The following CACNA1C variants were observed in gnomAD, a reference collection of about 807,000 sequenced individuals.
CACNA1C encodes the protein voltage-dependent L-type calcium channel subunit alpha-1C.
Under a neutral mutation model 229.0 loss-of-function variants are expected in CACNA1C, and 30 were observed. The observed-to-expected ratio is 0.13, with a 90% confidence interval of 0.10 to 0.18. The LOEUF is 0.18. CACNA1C is among the 10% of genes least tolerant of loss of function. The pLI, the probability that CACNA1C is intolerant of heterozygous loss-of-function variation, is 1.00. For synonymous variants in CACNA1C, 1,114 were observed against 1,132.5 expected, an observed-to-expected ratio of 0.98 and a Z score of 0.33; for missense variants, 1,658 against 2,845.0, an observed-to-expected ratio of 0.58 and a Z score of 9.49.
intron 3 of CACNA1C, among the ~76,000 whole-genome samples, chr12:2,203,459 C>A (rs1370467425): frequency 1.3e-5 from 2 of 152,112 alleles, no homozygotes; most frequent in Non-Finnish European, 2.9e-5. Context: ...CAATTACCCA[C>A]CCAGGTATTG....
chr12:2,408,680 A>C (rs1290521552), intron 3 of CACNA1C, among the ~76,000 whole-genome samples: 1 of 152,208 alleles, frequency 6.6e-6, no homozygotes, highest in Admixed American at 6.5e-5. Flanking sequence ...TTAGTAGGGA[A>C]AGATGTGTCT....
At chr12:2,160,316 C>T (rs1443411947) in intron 3 of CACNA1C, among the ~76,000 whole-genome samples, 2 of 152,224 alleles carry the variant, frequency 1.3e-5, no homozygotes, top group Non-Finnish European at 2.9e-5. Context: ...ACATAGCAGA[C>T]ACTCAGTGGC....
At chr12:2,143,466 TTA>T (rs1344192324) in intron 3 of CACNA1C, among the ~76,000 whole-genome samples, 1 of 149,818 alleles carries the variant, frequency 6.7e-6, no homozygotes, top group African/African-American at 2.5e-5. Context: ...CTTTTATAGA[TTA>T]TTTTTTATGT....
intron 3 of CACNA1C, among the ~76,000 whole-genome samples, chr12:2,229,532 A>G (rs1024628190): frequency 6.6e-6 from 1 of 152,202 alleles, no homozygotes; most frequent in African/African-American, 2.4e-5. Context: ...GAATAAAATA[A>G]GTTAAACACA....
At chr12:2,218,734 A>T (rs1403411350) in intron 3 of CACNA1C, among the ~76,000 whole-genome samples, 1 of 152,172 alleles carries the variant, frequency 6.6e-6, no homozygotes, top group Non-Finnish European at 1.5e-5. Context: ...ATTTAAGAAG[A>T]TCCTTTTTTT....
At chr12:2,120,692 G>GTGTGTGTT (rs764879260) in intron 3 of CACNA1C, among the ~76,000 whole-genome samples, 113 of 150,648 alleles carry the variant, frequency 7.5e-4, no homozygotes, top group Admixed American at 2.2e-3. Context: ...GTGTGTGTGT[G>GTGTGTGTT]TGTGTTTAGT....
At chr12:2,581,537 A>G in intron 13 of CACNA1C, 53 bp from the exon 14 acceptor site, 4 of 1,487,680 alleles carry the variant, frequency 2.7e-6, no homozygotes, top group Non-Finnish European at 3.6e-6. Flanking sequence ...ATGAGGCACG[A>G]TGGGGAGGAC....
At chr12:2,569,970 T>C (rs2053461616) in intron 13 of CACNA1C, among the ~76,000 whole-genome samples, 1 of 152,142 alleles carries the variant, frequency 6.6e-6, no homozygotes. Context: ...AAAGAAAGAA[T>C]GAAATAGAAT....
At chr12:2,535,925 A>G (rs370873126) in intron 9 of CACNA1C, among the ~76,000 whole-genome samples, 91 of 152,224 alleles carry the variant, frequency 6.0e-4, no homozygotes, top group African/African-American at 2.1e-3. Flanking sequence ...CATTCATGAA[A>G]TTATGGGGCT....
At chr12:2,243,033 G>A (rs1233051115) in intron 3 of CACNA1C, among the ~76,000 whole-genome samples, 1 of 152,168 alleles carries the variant, frequency 6.6e-6, no homozygotes, top group East Asian at 1.9e-4. Flanking sequence ...GTGGTTTGGT[G>A]TTTTGTTTGA....
At chr12:2,101,448 C>T (rs1442966394) in intron 1 of CACNA1C, among the ~76,000 whole-genome samples, 1 of 152,252 alleles carries the variant, frequency 6.6e-6, no homozygotes, top group Non-Finnish European at 1.5e-5. Flanking sequence ...CAACCTCCCC[C>T]TCCCAGGTGG....
At chr12:2,676,086 G>C (rs1267687020) in intron 39 of CACNA1C, 2 of 152,352 alleles carry the variant, frequency 1.3e-5, no homozygotes, top group South Asian at 2.1e-4. Context: ...AAGCTAAGTT[G>C]CTGGCCCAAG....
chr12:2,489,762 C>T (rs1403896386), intron 6 of CACNA1C, among the ~76,000 whole-genome samples: 3 of 152,198 alleles, frequency 2.0e-5, no homozygotes, highest in Non-Finnish European at 4.4e-5. Context: ...GTATTAACTG[C>T]GTTTCTAACT....
In CACNA1C at chr12:2,666,990, G is replaced by A. The variant is rs1419643288; in HGVS notation, c.4623+208G>A. Among the ~76,000 whole-genome samples the A allele has an allele frequency of 6.6e-6, 1 of 152,182 alleles. No individual in the cohort carries two copies. The highest frequency in any genetic ancestry group is 1.5e-5 in the Non-Finnish European group (1 of 68,034). ...CCTACTGAGCCAGGGACCCAGTCCTGGATAAAGGACTTGTTCAGTCCATCC... is the reference window on the plus strand; with the variant it reads ...CCTACTGAGCCAGGGACCCAGTCCTAGATAAAGGACTTGTTCAGTCCATCC... On this transcript the variant is annotated intron_variant, in intron 37 of 46. Transcript: ENST00000399655. The surrounding 1 kb of genome is among the most constrained non-coding windows in gnomAD (Gnocchi z 5.3).
At chr12:2,343,447 A>T (rs952288901) in intron 3 of CACNA1C, among the ~76,000 whole-genome samples, 1 of 152,248 alleles carries the variant, frequency 6.6e-6, no homozygotes, top group African/African-American at 2.4e-5. Context: ...CAAACACAAG[A>T]TGCCCAGCTG....
At chr12:1,970,825 G>A (rs1000759162), upstream of CACNA1C, 3 of 280,730 alleles carry the variant, frequency 1.1e-5, no homozygotes, top group Non-Finnish European at 2.1e-5. Flanking sequence ...GAAAATACAA[G>A]GTTGAAAAGA....
intron 30 of CACNA1C, among the ~76,000 whole-genome samples, chr12:2,636,784 T>C (rs909822535): frequency 2.6e-5 from 4 of 152,240 alleles, no homozygotes; most frequent in East Asian, 3.8e-4. Flanking sequence ...CATTCTGTAA[T>C]TGATATCTTA....
intron 30 of CACNA1C, among the ~76,000 whole-genome samples, chr12:2,636,375 A>G (rs2092685937): frequency 1.3e-5 from 2 of 152,218 alleles, no homozygotes; most frequent in Non-Finnish European, 2.9e-5. Flanking sequence ...AAGAAAAAGA[A>G]AAAACAACAA....
intron 8 of CACNA1C, among the ~76,000 whole-genome samples, chr12:2,509,647 G>A (rs748706512): frequency 6.6e-5 from 10 of 152,066 alleles, no homozygotes; most frequent in Non-Finnish European, 1.3e-4. Context: ...GCCCTCCTAC[G>A]CATAGTGACA....
Sources: gnomAD v4.1 joint callset for allele counts (sites outside exome capture counted in the v4.1 genomes callset) on GRCh38, gnomAD v4.1.1 for gene constraint, Gnocchi (gnomAD v3.1) non-coding constraint, MANE v1.5 for transcripts, NCBI Gene and HGNC (gene_info 2026-07-23, HGNC 2026-07-21) for gene names.